Variants in SEM1 observed in about 807,000 individuals in gnomAD.
SEM1 encodes the protein 26S proteasome complex subunit SEM1.
Under a neutral mutation model 12.7 loss-of-function variants are expected in SEM1, and 3 were observed. That is an observed-to-expected ratio of 0.24 (90% CI 0.11 to 0.61). The LOEUF (loss-of-function observed/expected upper bound fraction) is 0.61. SEM1 is among the 20% of genes least tolerant of loss of function. SEM1 has a pLI of 0.88. For synonymous variants in SEM1, 30 were observed against 27.8 expected (o/e 1.08, Z -0.25); for missense variants, 59 against 81.3 (o/e 0.73, Z 1.06).
chr7:96,527,798 C>T (rs906978869), intron 2 of SEM1, among the ~76,000 whole-genome samples: 5 of 152,124 alleles, frequency 3.3e-5, no homozygotes, highest in Non-Finnish European at 5.9e-5. Flanking sequence ...GTTGGTTTCT[C>T]TCCTGAGTGC....
At chr7:96,650,442 T>G in intron 2 of SEM1, 1 of 735,010 alleles carries the variant, frequency 1.4e-6, no homozygotes, top group Non-Finnish European at 2.5e-6. Flanking sequence ...CAATGTGTCC[T>G]TCATCTGACT....
intron 2 of SEM1, among the ~76,000 whole-genome samples, chr7:96,691,506 C>G (rs1008152484): frequency 1.3e-5 from 2 of 152,196 alleles, no homozygotes; most frequent in African/African-American, 4.8e-5. Flanking sequence ...CCCCAGCAAT[C>G]TGATTCACAC....
In SEM1 at chr7:96,667,712, G is replaced by T. The variant is rs542794686; in HGVS notation, c.170+27086C>A. Among the ~76,000 whole-genome samples, 6 of 152,328 alleles carry T rather than the reference G, an allele frequency of 3.9e-5. No individual in the cohort carries two copies. In the South Asian group the frequency reaches 1.2e-3, roughly 32 times the overall value. On this transcript the variant is annotated intron_variant, in intron 2 of 2. Transcript: ENST00000417009. ...CATTAAACCAAAAAGCCTGGATTCA[G>T]CTGAAGAGAACCACATTGCTAAATC...
chr7:96,622,928 G>A (rs1807941056), intron 2 of SEM1: 1 of 357,966 alleles, frequency 2.8e-6, no homozygotes, highest in African/African-American at 2.1e-5. Flanking sequence ...TGACATCTGT[G>A]ATGGTTAATT....
At chr7:96,679,174 T>C (rs540056465) in intron 2 of SEM1, among the ~76,000 whole-genome samples, 13 of 152,256 alleles carry the variant, frequency 8.5e-5, no homozygotes, top group African/African-American at 2.2e-4. Context: ...TGTTGAAAGA[T>C]AGTAAAAGAC....
intron 2 of SEM1, among the ~76,000 whole-genome samples, chr7:96,538,095 T>A (rs577771583): frequency 6.6e-6 from 1 of 151,988 alleles, no homozygotes; most frequent in African/African-American, 2.4e-5. Context: ...TATAAGCCCA[T>A]CAGAGACACT....
chr7:96,654,560 C>A (rs1211340062), intron 2 of SEM1, among the ~76,000 whole-genome samples: 2 of 152,106 alleles, frequency 1.3e-5, no homozygotes, highest in Non-Finnish European at 2.9e-5. Context: ...ATCAGCCATG[C>A]CATCAGGAGG....
At chr7:96,704,650 T>C (rs1032077232) in intron 1 of SEM1, among the ~76,000 whole-genome samples, 2 of 152,292 alleles carry the variant, frequency 1.3e-5, no homozygotes, top group South Asian at 4.1e-4. Context: ...GTAACATGAG[T>C]TCTCCATTTC....
chr7:96,673,567 C>G (rs185724227), exon 3 of SEM1: 106 of 596,798 alleles, frequency 1.8e-4, no homozygotes, highest in African/African-American at 1.7e-3. Flanking sequence ...AACCATAATC[C>G]TACCTTGCCC....
chr7:96,534,426 T>C (rs1804730427), intron 2 of SEM1, among the ~76,000 whole-genome samples: 1 of 152,076 alleles, frequency 6.6e-6, no homozygotes, highest in Admixed American at 6.6e-5. Context: ...GAAGCAACAT[T>C]TTCCAAATGA....
intron 2 of SEM1, among the ~76,000 whole-genome samples, chr7:96,643,272 G>C (rs1240327588): frequency 6.6e-6 from 1 of 152,108 alleles, no homozygotes; most frequent in Admixed American, 6.5e-5. Flanking sequence ...TTCCTGCAAA[G>C]GGCATGATCT....
At chr7:96,522,159 A>G (rs906624119) in intron 2 of SEM1, among the ~76,000 whole-genome samples, 12 of 152,268 alleles carry the variant, frequency 7.9e-5, no homozygotes, top group African/African-American at 2.6e-4. Context: ...ATATCCTGGC[A>G]TACATCACGT....
intron 2 of SEM1, among the ~76,000 whole-genome samples, chr7:96,581,889 T>C (rs1334828137): frequency 1.3e-5 from 2 of 152,156 alleles, no homozygotes; most frequent in African/African-American, 4.8e-5. Context: ...AATGGGGTTT[T>C]CTAGATACAC....
chr7:96,663,357 G>T (rs1283620496), intron 2 of SEM1, among the ~76,000 whole-genome samples: 1 of 152,214 alleles, frequency 6.6e-6, no homozygotes, highest in Admixed American at 6.5e-5. Context: ...TACTGTGCTA[G>T]TCTGGGTTCC....
intron 1 of SEM1, 140 bp downstream of exon 1, chr7:96,709,548 G>C: frequency 2.6e-6 from 2 of 762,136 alleles, no homozygotes; most frequent in Non-Finnish European, 4.4e-6. Flanking sequence ...TGAGGGGTGA[G>C]CGTTAGCGCC....
At chr7:96,693,527 A>C (rs1312725089) in intron 2 of SEM1, among the ~76,000 whole-genome samples, 1 of 152,056 alleles carries the variant, frequency 6.6e-6, no homozygotes, top group Admixed American at 6.6e-5. Flanking sequence ...ATGAATTCTT[A>C]AATATGACAC....
intron 2 of SEM1, among the ~76,000 whole-genome samples, chr7:96,526,997 A>G (rs1804485444): frequency 6.6e-6 from 1 of 152,130 alleles, no homozygotes; most frequent in African/African-American, 2.4e-5. Context: ...CCCATAAACC[A>G]TCCCTCAACC....
At chr7:96,653,329 T>C (rs1451188742) in intron 2 of SEM1, among the ~76,000 whole-genome samples, 2 of 152,230 alleles carry the variant, frequency 1.3e-5, no homozygotes, top group East Asian at 3.8e-4. Context: ...GTTTTCTAGA[T>C]CTGACTTATT....
At chr7:96,559,380 C>T (rs779263885) in intron 2 of SEM1, among the ~76,000 whole-genome samples, 12 of 152,048 alleles carry the variant, frequency 7.9e-5, no homozygotes, top group African/African-American at 1.7e-4. Context: ...CTCCCAGGCT[C>T]GGTTGATTCT....
Sources: allele counts gnomAD v4.1 joint callset (sites outside exome capture counted in the v4.1 genomes callset), GRCh38; gene constraint gnomAD v4.1.1; transcripts MANE v1.5; gene names NCBI Gene and HGNC (gene_info 2026-07-23, HGNC 2026-07-21).